Variants in UNC5C observed in about 807,000 individuals in gnomAD.
UNC5C encodes netrin receptor UNC5C.
Under a neutral mutation model 99.8 loss-of-function variants are expected in UNC5C, and 47 were observed. The ratio of observed to expected loss-of-function variants is 0.47; its 90% confidence interval spans 0.37 to 0.60. UNC5C has a LOEUF of 0.60. Ranked by LOEUF, UNC5C falls within the 20% of genes least tolerant of loss-of-function variation. The pLI, the probability that UNC5C is intolerant of heterozygous loss-of-function variation, is 0.00. For synonymous variants in UNC5C, 487 were observed against 452.2 expected (o/e 1.08, Z -0.98); for missense variants, 1,062 against 1,165.9 (o/e 0.91, Z 1.30).
chr4:95,422,804 T>A (rs1746359528), intron 1 of UNC5C, among the ~76,000 whole-genome samples: 1 of 152,228 alleles, frequency 6.6e-6, no homozygotes, highest in Non-Finnish European at 1.5e-5. Flanking sequence ...ATAATTCTGC[T>A]GCATTTATAT....
intron 12 of UNC5C, 32 bp downstream of exon 12, chr4:95,202,699 T>C: frequency 6.2e-7 from 1 of 1,600,166 alleles, no homozygotes; most frequent in Non-Finnish European, 8.5e-7. Flanking sequence ...CAGGTGGAGG[T>C]GAAGAGGGCA....
intron 1 of UNC5C, among the ~76,000 whole-genome samples, chr4:95,385,070 C>A (rs913602979): frequency 1.3e-5 from 2 of 152,028 alleles, no homozygotes; most frequent in African/African-American, 4.8e-5. Context: ...ATGAGAAATC[C>A]TCCAGACTGA....
intron 1 of UNC5C, among the ~76,000 whole-genome samples, chr4:95,478,971 G>A (rs1320186942): frequency 6.6e-6 from 1 of 151,908 alleles, no homozygotes; most frequent in African/African-American, 2.4e-5. Flanking sequence ...CTCTCATCAT[G>A]TGACACACTG....
chr4:95,302,279 G>A (rs918144537), intron 2 of UNC5C, among the ~76,000 whole-genome samples: 2 of 152,122 alleles, frequency 1.3e-5, no homozygotes, highest in African/African-American at 4.8e-5. Flanking sequence ...TATCGTATCC[G>A]AAGAATATAT....
intron 10 of UNC5C, among the ~76,000 whole-genome samples, chr4:95,215,884 A>G (rs1234094057): frequency 1.3e-5 from 2 of 152,190 alleles, no homozygotes; most frequent in African/African-American, 4.8e-5. Flanking sequence ...AAATATGGCA[A>G]CGTGTCCACT....
chr4:95,181,794 G>A (rs553742061), intron 14 of UNC5C, among the ~76,000 whole-genome samples: 6 of 152,292 alleles, frequency 3.9e-5, no homozygotes, highest in Non-Finnish European at 7.4e-5. Flanking sequence ...GGAGTGTAGC[G>A]GAAGCTGATG....
At chr4:95,360,415 G>A (rs181892027) in intron 1 of UNC5C, among the ~76,000 whole-genome samples, 1 of 152,268 alleles carries the variant, frequency 6.6e-6, no homozygotes, top group African/African-American at 2.4e-5. Flanking sequence ...TAACCAGTTG[G>A]AGAATTGTTA....
chr4:95,423,846 C>T (rs17023842), intron 1 of UNC5C, among the ~76,000 whole-genome samples: 2 of 152,196 alleles, frequency 1.3e-5, no homozygotes, highest in East Asian at 1.9e-4. Context: ...CTGGGGTAAA[C>T]GTTCTCGAAC....
At chr4:95,234,598 A>G (rs1739039026) in intron 7 of UNC5C, among the ~76,000 whole-genome samples, 1 of 152,142 alleles carries the variant, frequency 6.6e-6, no homozygotes, top group African/African-American at 2.4e-5. Context: ...TATGAACCCA[A>G]AATGTCCAAG....
chr4:95,379,829 T>G (rs893847267), intron 1 of UNC5C, among the ~76,000 whole-genome samples: 1 of 152,176 alleles, frequency 6.6e-6, no homozygotes, highest in African/African-American at 2.4e-5. Flanking sequence ...GGCGCTAAGA[T>G]ACGGAGGTGA....
At chr4:95,225,663 A>G (rs1486983314) in intron 7 of UNC5C, among the ~76,000 whole-genome samples, 6 of 152,182 alleles carry the variant, frequency 3.9e-5, no homozygotes, top group Admixed American at 1.3e-4. Context: ...AATATTTTAC[A>G]AAGTCTCACT....
At chr4:95,340,339 T>C (rs1232107581) in intron 1 of UNC5C, among the ~76,000 whole-genome samples, 1 of 152,100 alleles carries the variant, frequency 6.6e-6, no homozygotes, top group Non-Finnish European at 1.5e-5. Flanking sequence ...TCCTCTGAAA[T>C]GGAATTTACT....
At chr4:95,221,717 G>C (rs758726205) in intron 7 of UNC5C, among the ~76,000 whole-genome samples, 1 of 152,070 alleles carries the variant, frequency 6.6e-6, no homozygotes, top group East Asian at 1.9e-4. Flanking sequence ...ACAAATACTC[G>C]TGATTGGGTG....
At chr4:95,231,387 A>G (rs1349803229) in intron 7 of UNC5C, among the ~76,000 whole-genome samples, 1 of 152,202 alleles carries the variant, frequency 6.6e-6, no homozygotes, top group Non-Finnish European at 1.5e-5. Flanking sequence ...CATATGACAT[A>G]ATGTCATTTA....
chr4:95,537,443 C>T (rs896562710), intron 1 of UNC5C, among the ~76,000 whole-genome samples: 7 of 152,060 alleles, frequency 4.6e-5, no homozygotes, highest in South Asian at 2.1e-4. Context: ...TAATTACTGC[C>T]CTGTTCTCAA....
rs913992505 is a variant in UNC5C at position 95,319,756 on chromosome 4, G to A, written c.346+15654C>T. ...CACATTTGATTGTTCATCGATTGTG[G>A]AAATTTTTAACTAAAAAGTTCTCTG... On this transcript the variant is annotated intron_variant, in intron 2 of 15. Transcript: ENST00000453304. Among the ~76,000 whole-genome samples the A allele has an allele frequency of 3.1e-4, 47 of 152,192 alleles. 1 individual carries two copies. Among genetic ancestry groups the A allele is most frequent in the South Asian group, 2.1e-4 (1 of 4,810 alleles).
At chr4:95,385,554 T>C (rs960577693) in intron 1 of UNC5C, among the ~76,000 whole-genome samples, 5 of 152,236 alleles carry the variant, frequency 3.3e-5, no homozygotes, top group Middle Eastern at 6.8e-3. Context: ...GTTCTTCTGT[T>C]AGAGAGAGGA....
chr4:95,537,167 T>C (rs897274427), intron 1 of UNC5C, among the ~76,000 whole-genome samples: 2 of 152,282 alleles, frequency 1.3e-5, no homozygotes, highest in African/African-American at 4.8e-5. Flanking sequence ...AATTTTAAAA[T>C]ATAAATAAAT....
intron 1 of UNC5C, among the ~76,000 whole-genome samples, chr4:95,509,404 T>C (rs1414078483): frequency 6.6e-6 from 1 of 151,882 alleles, no homozygotes; most frequent in Non-Finnish European, 1.5e-5. Flanking sequence ...TTCTAGGCCC[T>C]GAATTGTAGC....
Sources: gnomAD v4.1 joint callset for allele counts (sites outside exome capture counted in the v4.1 genomes callset) on GRCh38, gnomAD v4.1.1 for gene constraint, MANE v1.5 for transcripts, NCBI Gene and HGNC (gene_info 2026-07-23, HGNC 2026-07-21) for gene names.